The following SRGAP2 variants were observed in gnomAD, a reference collection of about 807,000 sequenced individuals.
SRGAP2 encodes the protein SLIT-ROBO Rho GTPase-activating protein 2.
A neutral mutation model predicts 57.2 loss-of-function variants in SRGAP2; 15 were observed. The observed-to-expected ratio is 0.26, with a 90% CI of 0.18 to 0.40. SRGAP2 has a LOEUF of 0.40. Ranked by LOEUF, SRGAP2 falls within the 10% of genes least tolerant of loss-of-function variation. The pLI is 1.00. For missense variants in SRGAP2, 520 were observed against 669.6 expected, an observed-to-expected ratio of 0.78 and a Z score of 2.47; for synonymous variants, 249 against 248.0, an observed-to-expected ratio of 1.00 and a Z score of -0.04.
At chr1:206,430,074 C>A in intron 13 of SRGAP2, 88 bp from the exon 14 acceptor site, 1 of 763,150 alleles carries the variant, frequency 1.3e-6, no homozygotes, top group Non-Finnish European at 2.5e-6. Flanking sequence ...TCCGCTAAGA[C>A]AGTTCTGCAC....
intron 18 of SRGAP2, among the ~76,000 whole-genome samples, chr1:206,448,085 C>T (rs1161799605): frequency 6.6e-6 from 1 of 152,192 alleles, no homozygotes; most frequent in Non-Finnish European, 1.5e-5. Flanking sequence ...TCACACCCAC[C>T]TGGAAGGCTC....
At chr1:206,327,072 A>T (rs371209028) in intron 3 of SRGAP2, among the ~76,000 whole-genome samples, 6 of 152,250 alleles carry the variant, frequency 3.9e-5, no homozygotes, top group African/African-American at 1.4e-4. Flanking sequence ...CACACCTGTA[A>T]TCCCAGCACT....
chr1:206,285,863 G>A (rs1374513020), intron 2 of SRGAP2, among the ~76,000 whole-genome samples: 1 of 152,006 alleles, frequency 6.6e-6, no homozygotes, highest in African/African-American at 2.4e-5. Context: ...ATGGGGTTCT[G>A]CCATGTTGGC....
chr1:206,424,085 G>A (rs562030256), intron 13 of SRGAP2, among the ~76,000 whole-genome samples: 3 of 148,384 alleles, frequency 2.0e-5, no homozygotes, highest in Admixed American at 6.8e-5. Flanking sequence ...GAGCCACCAC[G>A]CCCGGCCCTT....
intron 4 of SRGAP2, among the ~76,000 whole-genome samples, chr1:206,350,211 G>GA (rs1180111021): frequency 6.7e-6 from 1 of 149,374 alleles, no homozygotes; most frequent in Non-Finnish European, 1.5e-5. Context: ...TAAAATTTTA[G>GA]AAAAAACAAA....
intron 4 of SRGAP2, among the ~76,000 whole-genome samples, chr1:206,377,481 ATTT>A (rs782108315): frequency 6.1e-5 from 6 of 98,972 alleles, no homozygotes; most frequent in African/African-American, 1.7e-4. Flanking sequence ...TTGAAATCAG[ATTT>A]TTTTTTTTTT....
chr1:206,229,581 G>A (rs1343605044), intron 2 of SRGAP2, among the ~76,000 whole-genome samples: 14 of 152,034 alleles, frequency 9.2e-5, no homozygotes, highest in African/African-American at 3.1e-4. Context: ...TCCTTGAAAA[G>A]AAGGAAGGGG....
intron 3 of SRGAP2, chr1:206,312,067 T>C (rs1672684288): frequency 6.6e-6 from 1 of 152,214 alleles, no homozygotes. Context: ...CCCAGAATAG[T>C]TCATTCTCTG....
intron 2 of SRGAP2, among the ~76,000 whole-genome samples, chr1:206,240,968 G>A (rs1352800620): frequency 9.2e-5 from 14 of 152,160 alleles, no homozygotes; most frequent in Admixed American, 3.9e-4. Flanking sequence ...TGGATTGCTT[G>A]AACCCAGGAG....
At chr1:206,239,432 C>A (rs1445016081) in intron 2 of SRGAP2, among the ~76,000 whole-genome samples, 1 of 151,794 alleles carries the variant, frequency 6.6e-6, no homozygotes, top group Non-Finnish European at 1.5e-5. Context: ...ATAAAGACAC[C>A]CTGGCCTGGA....
intron 7 of SRGAP2, among the ~76,000 whole-genome samples, chr1:206,397,054 A>G (rs1198491612): frequency 6.6e-6 from 1 of 152,176 alleles, no homozygotes; most frequent in Non-Finnish European, 1.5e-5. Context: ...TTGATAAGAG[A>G]TATCTTTCCA....
At chr1:206,422,542 G>C (rs1184113610) in intron 13 of SRGAP2, among the ~76,000 whole-genome samples, 1 of 152,154 alleles carries the variant, frequency 6.6e-6, no homozygotes, top group African/African-American at 2.4e-5. Context: ...TCTTGCAGAG[G>C]GAGCAAGCCA....
At chr1:206,438,264 G>A (rs1314925167) in intron 16 of SRGAP2, among the ~76,000 whole-genome samples, 166 bp downstream of exon 16, 2 of 152,010 alleles carry the variant, frequency 1.3e-5, no homozygotes, top group South Asian at 2.1e-4. Context: ...CTGGTGGGAG[G>A]GGAGGAGGAA....
chr1:206,268,461 T>G (rs1260245659), intron 2 of SRGAP2, among the ~76,000 whole-genome samples: 1 of 151,974 alleles, frequency 6.6e-6, no homozygotes, highest in African/African-American at 2.4e-5. Context: ...TATTTTAAGA[T>G]AGATATAAGA....
intron 2 of SRGAP2, among the ~76,000 whole-genome samples, chr1:206,229,080 G>A (rs1272641277): frequency 2.0e-5 from 3 of 151,902 alleles, no homozygotes; most frequent in Admixed American, 6.6e-5. Flanking sequence ...TAGGGTTGAC[G>A]TTAGAAGCCA....
intron 3 of SRGAP2, among the ~76,000 whole-genome samples, chr1:206,341,765 A>T (rs1675209140): frequency 6.6e-6 from 1 of 152,192 alleles, no homozygotes; most frequent in Non-Finnish European, 1.5e-5. Flanking sequence ...TGGGAGGCCA[A>T]GGTGGGTGGA....
At chr1:206,262,776 C>T (rs1288608352) in intron 2 of SRGAP2, among the ~76,000 whole-genome samples, 5 of 146,074 alleles carry the variant, frequency 3.4e-5, no homozygotes, top group Non-Finnish European at 7.5e-5. Flanking sequence ...CTTAGTGGGC[C>T]TAAATGCTGC....
intron 18 of SRGAP2, among the ~76,000 whole-genome samples, chr1:206,449,626 G>C (rs1553375136): frequency 2.0e-5 from 3 of 151,828 alleles, no homozygotes; most frequent in Non-Finnish European, 4.4e-5. Flanking sequence ...ACTTGACCCA[G>C]CTTCTCTCCC....
chr1:206,360,126 G>A (rs1229679532), intron 4 of SRGAP2, among the ~76,000 whole-genome samples: 1 of 151,946 alleles, frequency 6.6e-6, no homozygotes, highest in African/African-American at 2.4e-5. Context: ...TTTTATATAG[G>A]GTGGTCAGAG....
Sources: allele counts gnomAD v4.1 joint callset (sites outside exome capture counted in the v4.1 genomes callset), GRCh38; gene constraint gnomAD v4.1.1; transcripts MANE v1.5; gene names NCBI Gene and HGNC (gene_info 2026-07-23, HGNC 2026-07-21).